SLC4A4: variants seen among roughly 807,000 people sequenced by gnomAD.
The protein encoded by SLC4A4 is solute carrier family 4 member 4.
In SLC4A4, 27 loss-of-function variants were observed where a neutral mutation model predicts 111.5. The ratio of observed to expected loss-of-function variants is 0.24; its 90% CI spans 0.18 to 0.33. The LOEUF (loss-of-function observed/expected upper bound fraction) is 0.33. Ranked by LOEUF, SLC4A4 falls within the 10% of genes least tolerant of loss-of-function variation. The pLI, the probability that SLC4A4 is intolerant of heterozygous loss-of-function variation, is 1.00. For missense variants in SLC4A4, 909 were observed against 1,315.5 expected (o/e 0.69, Z 4.78); for synonymous variants, 443 against 463.4 (o/e 0.96, Z 0.57).
intron 7 of SLC4A4, chr4:71,437,204 G>T: frequency 2.5e-6 from 1 of 401,304 alleles, no homozygotes. Flanking sequence ...GAGTCCCTAT[G>T]CTGTCCAAGA....
intron 2 of SLC4A4, among the ~76,000 whole-genome samples, chr4:71,126,436 G>A (rs564763039): frequency 4.6e-5 from 7 of 152,184 alleles, no homozygotes; most frequent in South Asian, 4.1e-4. Flanking sequence ...TGGCAATTTT[G>A]TATGCCATGT....
At chr4:71,186,807 C>G (rs1057077444), upstream of SLC4A4, 3 of 152,212 alleles carry the variant, frequency 2.0e-5, no homozygotes, top group Admixed American at 1.3e-4. Flanking sequence ...GCCCCCGCAC[C>G]CCGGCTTGCT....
intron 13 of SLC4A4, among the ~76,000 whole-genome samples, chr4:71,469,083 A>C (rs1197430369): frequency 6.6e-6 from 1 of 152,006 alleles, no homozygotes; most frequent in Non-Finnish European, 1.5e-5. Flanking sequence ...ATAGCTCACA[A>C]CTTTTCAAAG....
At chr4:71,464,554 T>C (rs1359494679) in intron 12 of SLC4A4, among the ~76,000 whole-genome samples, 2 of 152,180 alleles carry the variant, frequency 1.3e-5, no homozygotes, top group Non-Finnish European at 2.9e-5. Context: ...TTATGAGACC[T>C]TCCTGCCAGG....
intron 24 of SLC4A4, among the ~76,000 whole-genome samples, chr4:71,565,505 G>A (rs1423080695): frequency 1.3e-5 from 2 of 151,764 alleles, no homozygotes; most frequent in African/African-American, 4.8e-5. Flanking sequence ...AACCTTTGTT[G>A]TGTGATCATC....
At chr4:71,172,288 G>A (rs1258957861) in intron 2 of SLC4A4, among the ~76,000 whole-genome samples, 3 of 146,062 alleles carry the variant, frequency 2.1e-5, no homozygotes, top group African/African-American at 5.1e-5. Context: ...ACGGAGTCTC[G>A]CTTTGTCGCC....
At chr4:71,352,313 G>T (rs1309441802) in intron 5 of SLC4A4, among the ~76,000 whole-genome samples, 1 of 152,106 alleles carries the variant, frequency 6.6e-6, no homozygotes, top group Non-Finnish European at 1.5e-5. Flanking sequence ...ACTTGGCAGA[G>T]TATAGGCAGT....
chr4:71,262,425 T>A (rs1266616515), intron 3 of SLC4A4, among the ~76,000 whole-genome samples: 1 of 152,008 alleles, frequency 6.6e-6, no homozygotes, highest in African/African-American at 2.4e-5. Context: ...TGGATAGGAG[T>A]CTTACTTGAC....
At chr4:71,318,055 T>G (rs989586845) in intron 3 of SLC4A4, among the ~76,000 whole-genome samples, 1 of 143,058 alleles carries the variant, frequency 7.0e-6, no homozygotes, top group Non-Finnish European at 1.6e-5. Flanking sequence ...ATAACTGTCT[T>G]TTGAAGAGGT....
rs377714606 is a variant in SLC4A4, at chr4:71,562,724, TA to T, written c.3100-1067del. On this transcript the variant is annotated intron_variant, in intron 23 of 25. Coordinates refer to ENST00000264485, the MANE Select transcript of SLC4A4 (RefSeq NM_001098484.3). The stretch of plus-strand genomic sequence containing the variant: ...ATCCAATTTGCCAGTCTGTGTCTTT[TA>T]ATTGGGGCATTTAGCCCCTTTACAT... 2.1e-3 allele frequency among the ~76,000 whole-genome samples: 313 copies of T among 152,020 alleles called. 2 individuals are homozygous for T. The highest frequency in any genetic ancestry group is 0.01 in the South Asian group (50 of 4,832).
At chr4:71,207,828 G>T (rs374674826) in intron 1 of SLC4A4, among the ~76,000 whole-genome samples, 7 of 151,766 alleles carry the variant, frequency 4.6e-5, no homozygotes, top group South Asian at 4.2e-4. Flanking sequence ...CTTTTTCTTC[G>T]GGGAGACAGG....
At chr4:71,423,531 A>G (rs1261649718) in intron 7 of SLC4A4, among the ~76,000 whole-genome samples, 1 of 152,214 alleles carries the variant, frequency 6.6e-6, no homozygotes, top group Non-Finnish European at 1.5e-5. Flanking sequence ...CCGCATCGCC[A>G]AGTCAATCCT....
intron 17 of SLC4A4, among the ~76,000 whole-genome samples, chr4:71,532,653 A>G (rs1236397066): frequency 2.0e-5 from 3 of 152,084 alleles, no homozygotes; most frequent in Non-Finnish European, 4.4e-5. Flanking sequence ...CTGTAGGCAC[A>G]TACCACCACC....
At chr4:71,066,657 G>A (rs1440179586) in intron 1 of SLC4A4, among the ~76,000 whole-genome samples, 1 of 152,084 alleles carries the variant, frequency 6.6e-6, no homozygotes, top group Non-Finnish European at 1.5e-5. Flanking sequence ...GGGAATAATT[G>A]CTGTTAATAC....
intron 6 of SLC4A4, among the ~76,000 whole-genome samples, chr4:71,369,469 G>A (rs1310757657): frequency 6.6e-6 from 1 of 152,148 alleles, no homozygotes; most frequent in African/African-American, 2.4e-5. Flanking sequence ...TCCTCATGGT[G>A]ATGCTGAACC....
At chr4:71,112,938 G>A (rs1177055131) in intron 2 of SLC4A4, among the ~76,000 whole-genome samples, 2 of 152,186 alleles carry the variant, frequency 1.3e-5, no homozygotes, top group African/African-American at 4.8e-5. Context: ...GGAAATTGAA[G>A]AAGGTGGAGT....
At chr4:71,534,115 C>G in intron 17 of SLC4A4, 112 bp from the exon 18 acceptor site, 1 of 852,008 alleles carries the variant, frequency 1.2e-6, no homozygotes, top group Admixed American at 1.9e-5. Context: ...GTTTATATTT[C>G]TCAATATGTT....
At chr4:71,418,138 G>T (rs1721984395) in intron 7 of SLC4A4, among the ~76,000 whole-genome samples, 1 of 152,154 alleles carries the variant, frequency 6.6e-6, no homozygotes, top group African/African-American at 2.4e-5. Context: ...AACTGGGGCA[G>T]TACTTGAAAT....
intron 6 of SLC4A4, among the ~76,000 whole-genome samples, chr4:71,377,959 C>T (rs1358103930): frequency 6.6e-6 from 1 of 151,942 alleles, no homozygotes; most frequent in Non-Finnish European, 1.5e-5. Flanking sequence ...AAAGGCACTT[C>T]TTATATGGTA....
Sources: allele counts gnomAD v4.1 joint callset (sites outside exome capture counted in the v4.1 genomes callset), GRCh38; gene constraint gnomAD v4.1.1; transcripts MANE v1.5; gene names NCBI Gene and HGNC (gene_info 2026-07-23, HGNC 2026-07-21).